The following DAB1 variants were observed in gnomAD, a reference collection of about 807,000 sequenced individuals.
The protein encoded by DAB1 is DAB adaptor protein 1, also known as disabled homolog 1.
A neutral mutation model predicts 64.6 loss-of-function variants in DAB1; 15 were observed. The observed-to-expected ratio is 0.23, with a 90% CI of 0.16 to 0.36. DAB1 has a LOEUF of 0.36. DAB1 is among the 10% of genes least tolerant of loss of function. The pLI, the probability that DAB1 is intolerant of heterozygous loss-of-function variation, is 1.00. For synonymous variants in DAB1, 235 were observed against 251.9 expected, an observed-to-expected ratio of 0.93 and a Z score of 0.64; for missense variants, 596 against 706.7, an observed-to-expected ratio of 0.84 and a Z score of 1.78.
chr1:57,071,980 G>T (rs201658480), intron 5 of DAB1, among the ~76,000 whole-genome samples: 1 of 150,332 alleles, frequency 6.7e-6, no homozygotes, highest in South Asian at 2.1e-4. Flanking sequence ...GGCTATGAAC[G>T]CAAGGAAACT....
At chr1:57,430,457 G>A (rs1232901321) in intron 7 of DAB1, among the ~76,000 whole-genome samples, 2 of 150,736 alleles carry the variant, frequency 1.3e-5, no homozygotes, top group Non-Finnish European at 1.5e-5. Flanking sequence ...CTCACTGCAA[G>A]CTCCGCCTCC....
chr1:57,262,572 A>G lies in DAB1; in HGVS notation c.67+28392T>C, dbSNP rs139974116. On this transcript the variant is annotated intron_variant, in intron 2 of 14. Coordinates refer to ENST00000371236, the MANE Select transcript of DAB1 (RefSeq NM_001365792.1). Reference sequence around the variant, plus strand: ...AATTGGCTGACAAGTCCCCAAAGTCAGTGATTTTACTTACACCTACTTTCC... The same window carrying G: ...AATTGGCTGACAAGTCCCCAAAGTCGGTGATTTTACTTACACCTACTTTCC... Among the ~76,000 whole-genome samples the G allele has an allele frequency of 6.2e-4, 95 of 152,316 alleles. 3 individuals carry two copies. The East Asian group carries it at 0.012, about 19-fold the overall frequency.
chr1:57,122,666 T>C (rs1295565943), intron 4 of DAB1, among the ~76,000 whole-genome samples: 2 of 152,160 alleles, frequency 1.3e-5, no homozygotes, highest in African/African-American at 4.8e-5. Flanking sequence ...AAAAATCTCA[T>C]TATTTCAGAT....
chr1:57,303,231 T>C (rs939601823), intron 1 of DAB1, among the ~76,000 whole-genome samples: 1 of 152,196 alleles, frequency 6.6e-6, no homozygotes, highest in Non-Finnish European at 1.5e-5. Context: ...GTGGGAGGGC[T>C]GACAGTGGTA....
rs1010571754 is a variant in DAB1 at position 57,434,590 on chromosome 1, G to T, written n.626-143424C>A. Among the ~76,000 whole-genome samples the T allele has an allele frequency of 1.4e-4, 22 of 152,280 alleles. No individual in the cohort carries two copies. In the South Asian group the frequency reaches 1.9e-3, roughly 13 times the overall value. ...CAAATACAGTTTTGTACCGTTTAAC[G>T]ACAGGGATATGCTCTGAGAAATGCG... is the stretch of plus-strand genomic sequence containing the variant. On this transcript the variant is annotated intron_variant and non_coding_transcript_variant, in intron 7 of 20. Coordinates refer to the DAB1 transcript ENST00000485760.
intron 5 of DAB1, among the ~76,000 whole-genome samples, chr1:58,024,975 G>C (rs898172061): frequency 1.4e-4 from 22 of 152,022 alleles, no homozygotes; most frequent in Non-Finnish European, 2.1e-4. Context: ...CTCCATAATT[G>C]CATGAGTCAA....
intron 1 of DAB1, among the ~76,000 whole-genome samples, chr1:57,372,176 T>C: frequency 6.6e-6 from 1 of 152,218 alleles, no homozygotes; most frequent in Non-Finnish European, 1.5e-5. Context: ...ATGTCTCCCT[T>C]ACCCAAGAGC....
At chr1:57,755,223 C>G (rs1483865373) in intron 6 of DAB1, among the ~76,000 whole-genome samples, 1 of 152,004 alleles carries the variant, frequency 6.6e-6, no homozygotes, top group African/African-American at 2.4e-5. Context: ...GTCTAAAAAT[C>G]CCTGTTGGGA....
intron 7 of DAB1, among the ~76,000 whole-genome samples, chr1:57,522,271 T>A (rs1306597137): frequency 6.6e-6 from 1 of 152,132 alleles, no homozygotes; most frequent in East Asian, 1.9e-4. Context: ...CCCTTCCCCA[T>A]GCAGTCAGGT....
chr1:58,375,549 T>C (rs1011786484), intron 3 of DAB1, among the ~76,000 whole-genome samples: 1 of 148,874 alleles, frequency 6.7e-6, no homozygotes, highest in Non-Finnish European at 1.5e-5. Context: ...TCATGGTGGA[T>C]AAGCTTTTTG....
upstream of DAB1, among the ~76,000 whole-genome samples, chr1:57,885,011 T>C (rs1374386259): frequency 6.6e-6 from 1 of 152,220 alleles, no homozygotes; most frequent in Non-Finnish European, 1.5e-5. Context: ...CCATGCCTTC[T>C]GTATAGCCTG....
chr1:58,002,472 C>A (rs1343634), intron 5 of DAB1, among the ~76,000 whole-genome samples: 3 of 152,080 alleles, frequency 2.0e-5, no homozygotes, highest in Admixed American at 6.6e-5. Flanking sequence ...ATCAGCCTTA[C>A]AATCCACATT....
At chr1:57,067,886 G>T (rs1012838697) in intron 8 of DAB1, among the ~76,000 whole-genome samples, 1 of 152,136 alleles carries the variant, frequency 6.6e-6, no homozygotes, top group Non-Finnish European at 1.5e-5. Flanking sequence ...GTGAGTTAGG[G>T]AACAATTGTT....
rs182455927 is a variant in DAB1, at chr1:58,371,649, G to A, written n.258-28246C>T. On this transcript the variant is annotated intron_variant and non_coding_transcript_variant, in intron 3 of 20. Coordinates refer to the DAB1 transcript ENST00000485760. ...TTTCATGGAATCCCCTCCTATCACAGGCCCAGAGGCATAGGAGGGAAAAAT... is the reference window on the plus strand; with the variant it reads ...TTTCATGGAATCCCCTCCTATCACAAGCCCAGAGGCATAGGAGGGAAAAAT... Among the ~76,000 whole-genome samples, 20 of 152,310 alleles carry A rather than the reference G, an allele frequency of 1.3e-4. No homozygotes were observed. The East Asian group carries it at 2.1e-3, about 16-fold the overall frequency.
intron 4 of DAB1, among the ~76,000 whole-genome samples, chr1:57,081,581 T>C (rs993282719): frequency 6.6e-5 from 10 of 152,180 alleles, no homozygotes; most frequent in African/African-American, 2.4e-4. Flanking sequence ...CATAAATAAA[T>C]TCCTTTTGTT....
chr1:58,055,509 C>G (rs544894539), intron 5 of DAB1, among the ~76,000 whole-genome samples: 3 of 147,100 alleles, frequency 2.0e-5, no homozygotes, highest in Admixed American at 1.4e-4. Context: ...TTCTGACAGT[C>G]AGTATATTTT....
chr1:57,594,967 C>T (rs1347690946), intron 7 of DAB1, among the ~76,000 whole-genome samples: 1 of 152,166 alleles, frequency 6.6e-6, no homozygotes, highest in African/African-American at 2.4e-5. Context: ...GCCTCAGCCT[C>T]CCAAAGTGCT....
intron 7 of DAB1, among the ~76,000 whole-genome samples, chr1:57,639,959 G>C (rs1646108083): frequency 6.6e-6 from 1 of 152,176 alleles, no homozygotes; most frequent in Admixed American, 6.5e-5. Flanking sequence ...ACTTGGAATA[G>C]TCAGGCTTTA....
intron 8 of DAB1, among the ~76,000 whole-genome samples, chr1:57,068,939 T>A (rs1274100545): frequency 6.6e-6 from 1 of 152,208 alleles, no homozygotes. Flanking sequence ...CAGTTAATAT[T>A]CTCAATGTTG....
Sources: gnomAD v4.1 joint callset for allele counts (sites outside exome capture counted in the v4.1 genomes callset) on GRCh38, gnomAD v4.1.1 for gene constraint, MANE v1.5 for transcripts, NCBI Gene and HGNC (gene_info 2026-07-23, HGNC 2026-07-21) for gene names.